Variants in FARS2 observed in about 807,000 individuals in gnomAD.
FARS2 encodes the protein phenylalanyl-tRNA synthetase 2, mitochondrial.
Under a neutral mutation model 46.4 loss-of-function variants are expected in FARS2, and 40 were observed. That is an observed-to-expected ratio of 0.86 (90% CI 0.67 to 1.12). FARS2 has a LOEUF of 1.12. FARS2 is among the 50% of genes most tolerant of loss of function. The pLI, the probability that FARS2 is intolerant of heterozygous loss-of-function variation, is 0.00. For missense variants in FARS2, 513 were observed against 567.9 expected (o/e 0.90, Z 0.98); for synonymous variants, 234 against 214.9 (o/e 1.09, Z -0.78).
chr6:5,277,142 G>A (rs971742476), intron 1 of FARS2, among the ~76,000 whole-genome samples: 3 of 152,100 alleles, frequency 2.0e-5, no homozygotes, highest in Non-Finnish European at 2.9e-5. Context: ...CACAGATAGC[G>A]AGTGCAGCGT....
intron 1 of FARS2, among the ~76,000 whole-genome samples, chr6:5,305,874 G>A (rs1387163171): frequency 1.3e-5 from 2 of 152,094 alleles, no homozygotes; most frequent in African/African-American, 2.4e-5. Flanking sequence ...GTAGTCAGAT[G>A]GGGGTATGAA....
chr6:5,725,121 A>G (rs796099690), intron 6 of FARS2, among the ~76,000 whole-genome samples: 1 of 152,282 alleles, frequency 6.6e-6, no homozygotes, highest in Non-Finnish European at 1.5e-5. Context: ...TGGGATTTCC[A>G]TGAAATCTCT....
At chr6:5,437,363 G>A (rs1763582523) in intron 4 of FARS2, among the ~76,000 whole-genome samples, 1 of 152,146 alleles carries the variant, frequency 6.6e-6, no homozygotes, top group Non-Finnish European at 1.5e-5. Flanking sequence ...GTTACATCAA[G>A]GTAATTGAAT....
chr6:5,359,926 C>T (rs1262326787), intron 1 of FARS2, among the ~76,000 whole-genome samples: 1 of 152,182 alleles, frequency 6.6e-6, no homozygotes, highest in Non-Finnish European at 1.5e-5. Flanking sequence ...GAAAAACATA[C>T]CCTGATGAAC....
chr6:5,610,248 C>T (rs554322307), intron 5 of FARS2: 10 of 491,890 alleles, frequency 2.0e-5, no homozygotes, highest in South Asian at 4.5e-5. Flanking sequence ...GCAGCATCCA[C>T]GAGCAGAAAG....
chr6:5,267,017 T>A (rs1765590853), intron 1 of FARS2, among the ~76,000 whole-genome samples: 2 of 152,328 alleles, frequency 1.3e-5, no homozygotes, highest in South Asian at 2.1e-4. Context: ...TCTTGAAAGC[T>A]ATGATATGTT....
intron 4 of FARS2, among the ~76,000 whole-genome samples, chr6:5,538,758 C>T (rs1255608985): frequency 6.6e-6 from 1 of 152,062 alleles, no homozygotes; most frequent in Non-Finnish European, 1.5e-5. Context: ...AGAAATAAAT[C>T]GAAAGGGAAC....
At chr6:5,518,594 A>G (rs1252201267) in intron 4 of FARS2, among the ~76,000 whole-genome samples, 1 of 152,208 alleles carries the variant, frequency 6.6e-6, no homozygotes, top group East Asian at 1.9e-4. Context: ...AGGAAAATAT[A>G]TGAATATATA....
chr6:5,303,559 C>G (rs781407462), intron 1 of FARS2, among the ~76,000 whole-genome samples: 5 of 152,072 alleles, frequency 3.3e-5, no homozygotes, highest in Non-Finnish European at 5.9e-5. Context: ...GCCCTCCCCA[C>G]GACTCTGTTT....
chr6:5,734,658 T>C (rs1489592737), intron 6 of FARS2, among the ~76,000 whole-genome samples: 1 of 152,212 alleles, frequency 6.6e-6, no homozygotes, highest in African/African-American at 2.4e-5. Flanking sequence ...TCTTACTGAA[T>C]CTTCTTAATA....
At position 5,268,480 on chromosome 6, in the gene FARS2, T is replaced by A. The variant is rs1457002363; in HGVS notation, c.-22+6820T>A. On this transcript the variant is annotated intron_variant, in intron 1 of 6. Coordinates refer to ENST00000274680, the MANE Select transcript of FARS2 (RefSeq NM_006567.5). ...TAGGGAATCCTTTCCCCATTTCTTATTTTTGTCAGGTTTGTTAAAGATCAG... is the reference window on the plus strand; with the variant it reads ...TAGGGAATCCTTTCCCCATTTCTTAATTTTGTCAGGTTTGTTAAAGATCAG... Among the ~76,000 whole-genome samples, 3 of 152,342 alleles carry A rather than the reference T, an allele frequency of 2.0e-5. No homozygotes were observed. The East Asian group carries it at 5.8e-4, about 29-fold the overall frequency.
chr6:5,449,077 C>T (rs773938805), intron 4 of FARS2, among the ~76,000 whole-genome samples: 49 of 152,064 alleles, frequency 3.2e-4, no homozygotes, highest in Non-Finnish European at 3.2e-4. Flanking sequence ...GGCCGGGTGC[C>T]GTGGCTCACG....
At position 5,477,894 on chromosome 6, in the gene FARS2, C is replaced by T. The variant is rs1013213710; in HGVS notation, c.904+46722C>T. ...AATGAGCTGGGCGTGGTGGTGTGTA[C>T]CTGTAGTCCCAGCTACTTGTGAGGC... is the stretch of plus-strand genomic sequence containing the variant. On this transcript the variant is annotated intron_variant, in intron 4 of 6. Coordinates refer to ENST00000274680, the MANE Select transcript of FARS2 (RefSeq NM_006567.5). Among the ~76,000 whole-genome samples the T allele has an allele frequency of 1.2e-4, 19 of 152,004 alleles. 1 individual carries two copies. Among genetic ancestry groups the T allele is most frequent in the Non-Finnish European group, 5.9e-5 (4 of 68,016 alleles).
chr6:5,361,866 T>C (rs1044822971), intron 1 of FARS2, among the ~76,000 whole-genome samples: 2 of 152,202 alleles, frequency 1.3e-5, no homozygotes, highest in African/African-American at 4.8e-5. Context: ...GTACAGTTTG[T>C]GTACTACTTA....
intron 6 of FARS2, among the ~76,000 whole-genome samples, chr6:5,732,343 T>C (rs1347104525): frequency 6.6e-6 from 1 of 151,956 alleles, no homozygotes; most frequent in Admixed American, 6.6e-5. Context: ...GTGTTCAGCC[T>C]CCTAGGGAGG....
intron 6 of FARS2, among the ~76,000 whole-genome samples, chr6:5,639,285 T>C (rs1393479756): frequency 6.6e-6 from 1 of 152,226 alleles, no homozygotes; most frequent in Non-Finnish European, 1.5e-5. Context: ...GCCAGCATAT[T>C]CCCAGTGCCA....
chr6:5,422,561 C>T (rs567221227), intron 3 of FARS2, among the ~76,000 whole-genome samples: 2 of 152,254 alleles, frequency 1.3e-5, no homozygotes, highest in East Asian at 3.9e-4. Context: ...CTGATCCTGG[C>T]ATTTACTCTC....
intron 5 of FARS2, among the ~76,000 whole-genome samples, chr6:5,556,679 GAA>G (rs1771680502): frequency 2.7e-5 from 1 of 37,310 alleles, no homozygotes; most frequent in East Asian, 3.8e-4. Flanking sequence ...AAGTTACTAA[GAA>G]AGAAAGAAAG....
chr6:5,545,055 GC>G, intron 4 of FARS2, 124 bp from the exon 5 acceptor site: 1 of 808,566 alleles, frequency 1.2e-6, no homozygotes, highest in East Asian at 2.5e-5. Context: ...CTTTGTAGCG[GC>G]TGCCCAGTGC....
Sources: allele counts gnomAD v4.1 joint callset (sites outside exome capture counted in the v4.1 genomes callset), GRCh38; gene constraint gnomAD v4.1.1; transcripts MANE v1.5; gene names NCBI Gene and HGNC (gene_info 2026-07-23, HGNC 2026-07-21).